The following ROR1 variants were observed in gnomAD, a reference collection of about 807,000 sequenced individuals.
ROR1 encodes the protein ROR family WNT receptor 1.
Under a neutral mutation model 78.8 loss-of-function variants are expected in ROR1, and 19 were observed. The observed-to-expected ratio is 0.24, with a 90% CI of 0.17 to 0.35. The LOEUF (loss-of-function observed/expected upper bound fraction) is 0.35, where lower values mean the gene tolerates loss of function less well. Ranked by LOEUF, ROR1 falls within the 10% of genes least tolerant of loss-of-function variation. ROR1 has a pLI of 1.00. For missense variants in ROR1, 917 were observed against 1,177.8 expected (o/e 0.78, Z 3.24); for synonymous variants, 386 against 433.6 (o/e 0.89, Z 1.36).
At chr1:64,159,271 G>A in intron 8 of ROR1, 79 bp downstream of exon 8, 1 of 1,087,838 alleles carries the variant, frequency 9.2e-7, no homozygotes, top group Non-Finnish European at 1.4e-6. Context: ...CCCAAGCTTG[G>A]AAATCGAATG....
At chr1:64,051,716 A>C (rs960692686) in intron 4 of ROR1, among the ~76,000 whole-genome samples, 9 of 152,078 alleles carry the variant, frequency 5.9e-5, no homozygotes, top group African/African-American at 2.2e-4. Flanking sequence ...TTCTTTATCT[A>C]TATTTTTATT....
chr1:63,810,427 T>G (rs601093), intron 1 of ROR1, among the ~76,000 whole-genome samples: 31,772 of 152,134 alleles, frequency 0.21, 8,974 homozygotes, highest in African/African-American at 0.64. Flanking sequence ...TCCAGAACCA[T>G]TGTTGAGTTC....
intron 4 of ROR1, among the ~76,000 whole-genome samples, chr1:64,099,573 G>T (rs1213717919): frequency 1.3e-5 from 2 of 152,274 alleles, no homozygotes; most frequent in Admixed American, 6.5e-5. Context: ...ATATTTTCTA[G>T]TTGGCTGTAA....
intron 8 of ROR1, among the ~76,000 whole-genome samples, chr1:64,164,118 C>T (rs1362009761): frequency 1.3e-5 from 2 of 152,128 alleles, no homozygotes; most frequent in African/African-American, 4.8e-5. Flanking sequence ...TTAATGGGAG[C>T]ATCCTCTGAC....
intron 8 of ROR1, among the ~76,000 whole-genome samples, chr1:64,172,046 C>A (rs1650257987): frequency 6.6e-6 from 1 of 152,188 alleles, no homozygotes; most frequent in African/African-American, 2.4e-5. Context: ...AGTCTGCCCT[C>A]TTTATCCATC....
rs571821226 is a variant in ROR1, at chr1:64,181,194, C to T, written c.*2339C>T. The T allele has an allele frequency of 2.0e-5, 3 of 152,062 alleles. No individual in the cohort carries two copies. The East Asian group carries it at 5.8e-4, about 29-fold the overall frequency. 9.4% of individuals were successfully genotyped at this position (152,062 alleles called of 1,614,324 possible). ...AAAATATATCTTTGCATTTTTATAT[C>T]TGGTCTGTTTTTCTTGTTTCCTTTG... On this transcript the variant is annotated 3_prime_UTR_variant, in exon 9 of 9. Coordinates refer to ENST00000371079, the MANE Select transcript of ROR1 (RefSeq NM_005012.4).
intron 1 of ROR1, among the ~76,000 whole-genome samples, chr1:63,863,822 G>T (rs1645198537): frequency 6.7e-6 from 1 of 149,896 alleles, no homozygotes; most frequent in Non-Finnish European, 1.5e-5. Context: ...GGCGATACTT[G>T]TTCAGTTAAC....
chr1:63,923,656 C>G (rs1243106625), intron 1 of ROR1, among the ~76,000 whole-genome samples: 1 of 151,374 alleles, frequency 6.6e-6, no homozygotes, highest in African/African-American at 2.4e-5. Flanking sequence ...ACCTGGTCTT[C>G]TGCTTGTACT....
intron 4 of ROR1, among the ~76,000 whole-genome samples, chr1:64,109,109 A>G (rs1647968106): frequency 6.6e-6 from 1 of 152,064 alleles, no homozygotes; most frequent in South Asian, 2.1e-4. Flanking sequence ...GTTCCTGGCA[A>G]TCTGCATCTT....
intron 1 of ROR1, among the ~76,000 whole-genome samples, chr1:63,921,019 A>G (rs548157901): frequency 6.6e-6 from 1 of 152,216 alleles, no homozygotes; most frequent in Non-Finnish European, 1.5e-5. Flanking sequence ...AGGGTGATGA[A>G]CAGACCCTAC....
rs1459126451 is a variant in ROR1 at position 64,140,187 on chromosome 1, A to G, written c.689A>G (p.Tyr230Cys). The change falls in exon 6 of 9, where the codon TAT (tyrosine) becomes TGT (cysteine). Residue 230 changes from tyrosine (Y) to cysteine (C), a missense_variant. By Grantham distance (194) the Tyr-to-Cys change is radical. Transcript: ENST00000371079. Reference protein sequence around the residue: ...SQFAIPSLCHYAFPYCDETSS... With the variant: ...SQFAIPSLCHCAFPYCDETSS... ...TTCGCCATTCCTTCCCTGTGCCACTATGCCTTCCCGTACTGCGATGAAACT... is the reference window on the plus strand; with the variant it reads ...TTCGCCATTCCTTCCCTGTGCCACTGTGCCTTCCCGTACTGCGATGAAACT... 3 of 1,614,000 alleles carry G rather than the reference A, an allele frequency of 1.9e-6. No individual in the cohort carries two copies. The highest frequency in any genetic ancestry group is 1.7e-5 in the Admixed American group (1 of 60,002).
chr1:63,979,248 G>A (rs576616718), intron 1 of ROR1, among the ~76,000 whole-genome samples: 8 of 152,236 alleles, frequency 5.3e-5, no homozygotes, highest in African/African-American at 1.7e-4. Flanking sequence ...AAATTTAATG[G>A]CTGCTGACTC....
chr1:64,125,928 CATGGAAA>C (rs1648699337), intron 4 of ROR1, among the ~76,000 whole-genome samples: 1 of 152,148 alleles, frequency 6.6e-6, no homozygotes, highest in Non-Finnish European at 1.5e-5. Context: ...ATTACTACTA[CATGGAAA>C]AGTAAGAACA....
intron 1 of ROR1, among the ~76,000 whole-genome samples, chr1:63,888,184 C>A (rs1345015000): frequency 6.6e-6 from 1 of 152,100 alleles, no homozygotes; most frequent in Non-Finnish European, 1.5e-5. Context: ...TATTTTATTA[C>A]CTTTTAAATA....
intron 1 of ROR1, among the ~76,000 whole-genome samples, chr1:63,803,626 G>A (rs991293408): frequency 1.3e-5 from 2 of 152,232 alleles, no homozygotes; most frequent in African/African-American, 2.4e-5. Context: ...TTACAGGCGT[G>A]AGCCACCGCG....
chr1:64,062,203 A>AAT (rs1646922877), intron 4 of ROR1, among the ~76,000 whole-genome samples: 4 of 152,180 alleles, frequency 2.6e-5, no homozygotes, highest in African/African-American at 9.7e-5. Context: ...ATGTTGGGTG[A>AAT]CTGCCTGTGT....
At chr1:63,837,855 G>T (rs1020601661) in intron 1 of ROR1, among the ~76,000 whole-genome samples, 2 of 152,146 alleles carry the variant, frequency 1.3e-5, no homozygotes, top group Admixed American at 1.3e-4. Flanking sequence ...TTGTGTATGA[G>T]CTAAGTTACT....
chr1:63,784,750 G>A (rs1644673669), intron 1 of ROR1, among the ~76,000 whole-genome samples: 1 of 152,178 alleles, frequency 6.6e-6, no homozygotes, highest in Non-Finnish European at 1.5e-5. Flanking sequence ...ATGACAGAGG[G>A]GGAAGGACCA....
At chr1:63,970,689 C>T (rs1236380202) in intron 1 of ROR1, among the ~76,000 whole-genome samples, 1 of 152,222 alleles carries the variant, frequency 6.6e-6, no homozygotes, top group Non-Finnish European at 1.5e-5. Flanking sequence ...TAATAGTTAA[C>T]ATTCACTGAC....
Sources: gnomAD v4.1 joint callset for allele counts (sites outside exome capture counted in the v4.1 genomes callset) on GRCh38, gnomAD v4.1.1 for gene constraint, MANE v1.5 for transcripts, NCBI Gene and HGNC (gene_info 2026-07-23, HGNC 2026-07-21) for gene names.